The following SHISA9 variants were observed in gnomAD, a reference collection of about 807,000 sequenced individuals.
The protein encoded by SHISA9 is protein shisa-9.
A neutral mutation model predicts 38.0 loss-of-function variants in SHISA9; 13 were observed. That is an observed-to-expected ratio of 0.34 (90% CI 0.22 to 0.54). The LOEUF (loss-of-function observed/expected upper bound fraction) is 0.54, where lower values mean the gene tolerates loss of function less well. Among genes scored for constraint, SHISA9 ranks in the 20% least tolerant of loss-of-function variants. SHISA9 has a pLI of 0.91. For missense variants in SHISA9, 538 were observed against 575.8 expected (o/e 0.93, Z 0.67); for synonymous variants, 275 against 242.0 (o/e 1.14, Z -1.27).
chr16:13,383,944 C>T, the SHISA9 span, among the ~76,000 whole-genome samples: 60,523 of 152,004 alleles, frequency 0.4, 13,389 homozygotes, highest in East Asian at 0.57. Flanking sequence ...CGTGAGCCAC[C>T]GTGCCCGGCC....
At chr16:13,157,008 T>C (rs915880243) in intron 2 of SHISA9, among the ~76,000 whole-genome samples, 3 of 152,222 alleles carry the variant, frequency 2.0e-5, no homozygotes, top group African/African-American at 7.2e-5. Context: ...GGCTGAGGGC[T>C]TTTCAAGTAT....
At chr16:13,270,791 T>C in the SHISA9 span, among the ~76,000 whole-genome samples, 5 of 152,320 alleles carry the variant, frequency 3.3e-5, no homozygotes, top group Non-Finnish European at 4.4e-5. Context: ...AATCAAGATA[T>C]ATGTACAATA....
At chr16:13,064,234 A>G (rs970502532) in intron 2 of SHISA9, among the ~76,000 whole-genome samples, 2 of 152,190 alleles carry the variant, frequency 1.3e-5, no homozygotes, top group African/African-American at 4.8e-5. Flanking sequence ...GGCCACAGTC[A>G]TTCATTTATT....
intron 2 of SHISA9, among the ~76,000 whole-genome samples, chr16:12,954,289 A>C (rs2071799751): frequency 6.6e-6 from 1 of 152,216 alleles, no homozygotes; most frequent in Non-Finnish European, 1.5e-5. Flanking sequence ...TGGGCAAATA[A>C]CAACTTATGA....
At chr16:13,252,727 C>G in the SHISA9 span, among the ~76,000 whole-genome samples, 1 of 152,180 alleles carries the variant, frequency 6.6e-6, no homozygotes, top group Non-Finnish European at 1.5e-5. Context: ...TATTGTCTGT[C>G]TCTTCTCACT....
Position 13,061,937 on chromosome 16 carries a change from T to C in SHISA9, c.692-141457T>C, listed in dbSNP as rs184518312. On this transcript the variant is annotated intron_variant, in intron 2 of 4. Transcript: ENST00000558583. ...GAAGAGCCTGCACAAGTTCCTTAAG[T>C]TGGACGGAGCTCAATGCGCCAGAGG... 3.1e-4 allele frequency among the ~76,000 whole-genome samples: 47 copies of C among 152,150 alleles called. No individual in the cohort carries two copies. In the East Asian group the frequency reaches 8.5e-3, roughly 28 times the overall value.
chr16:13,458,174 T>TC, the SHISA9 span, among the ~76,000 whole-genome samples: 5 of 152,158 alleles, frequency 3.3e-5, no homozygotes, highest in Admixed American at 6.5e-5. Flanking sequence ...GATGTACCAG[T>TC]CAACCTATCA....
At chr16:13,112,525 G>A (rs1347388811) in intron 2 of SHISA9, among the ~76,000 whole-genome samples, 2 of 152,162 alleles carry the variant, frequency 1.3e-5, no homozygotes, top group African/African-American at 2.4e-5. Context: ...GGGACCCCAC[G>A]CCACAGCTAC....
the SHISA9 span, among the ~76,000 whole-genome samples, chr16:13,397,641 G>A: frequency 6.6e-6 from 1 of 152,048 alleles, no homozygotes; most frequent in Non-Finnish European, 1.5e-5. Flanking sequence ...TCACCATGTT[G>A]GCCAGGATGG....
the SHISA9 span, among the ~76,000 whole-genome samples, chr16:13,338,520 G>A: frequency 6.6e-6 from 1 of 152,156 alleles, no homozygotes; most frequent in Non-Finnish European, 1.5e-5. Context: ...AGCCTAGGGT[G>A]CTTTCCTTAG....
the SHISA9 span, among the ~76,000 whole-genome samples, chr16:13,337,722 A>G: frequency 6.6e-6 from 1 of 152,042 alleles, no homozygotes; most frequent in African/African-American, 2.4e-5. Context: ...GTGTTGGAGG[A>G]GGGGCCTGGT....
intron 1 of SHISA9, among the ~76,000 whole-genome samples, chr16:12,907,322 T>TC (rs1426669980): frequency 1.4e-5 from 2 of 146,144 alleles, no homozygotes. Context: ...CCTTCCCTTT[T>TC]CTCCCTTCTC....
intron 2 of SHISA9, among the ~76,000 whole-genome samples, chr16:12,961,718 C>T (rs2071914526): frequency 6.6e-6 from 1 of 152,154 alleles, no homozygotes; most frequent in Non-Finnish European, 1.5e-5. Flanking sequence ...AAAAGCAACC[C>T]ATAAATCAGC....
the SHISA9 span, among the ~76,000 whole-genome samples, chr16:13,381,873 A>G: frequency 6.6e-6 from 1 of 152,182 alleles, no homozygotes; most frequent in African/African-American, 2.4e-5. Context: ...AGAACTAATT[A>G]TGTGTATTAT....
chr16:13,285,176 C>T, the SHISA9 span, among the ~76,000 whole-genome samples: 647 of 152,148 alleles, frequency 4.3e-3, 1 homozygote, highest in Non-Finnish European at 7.0e-3. Context: ...TTTTCATTTC[C>T]TTAGCAGCCT....
At chr16:13,434,419 G>GTTTTTGTTTTTTTTT in the SHISA9 span, among the ~76,000 whole-genome samples, 1 of 64,566 alleles carries the variant, frequency 1.5e-5, no homozygotes, top group Non-Finnish European at 3.2e-5. Context: ...GACAAGCTAT[G>GTTTTTGTTTTTTTTT]TTTTTTTTTT....
rs138503401 is a variant in SHISA9, at chr16:13,224,559, G to A, written c.896-10471G>A. Among the ~76,000 whole-genome samples, 1,178 of 152,262 alleles carry A rather than the reference G, an allele frequency of 7.7e-3. 3 individuals carry two copies. Among genetic ancestry groups the A allele is most frequent in the Non-Finnish European group, 0.011 (759 of 68,028 alleles). On this transcript the variant is annotated intron_variant, in intron 4 of 4. Transcript: ENST00000558583. ...TTTCATCACGTGCATATTATTGCACGCCTGCTGTATACCAGGCACTGGGCT... is the reference window on the plus strand; with the variant it reads ...TTTCATCACGTGCATATTATTGCACACCTGCTGTATACCAGGCACTGGGCT...
chr16:12,930,644 A>G (rs149954644), intron 2 of SHISA9, among the ~76,000 whole-genome samples: 125 of 152,308 alleles, frequency 8.2e-4, no homozygotes, highest in African/African-American at 2.9e-3. Flanking sequence ...TGACATGACT[A>G]TGTCGTGTTG....
the SHISA9 span, among the ~76,000 whole-genome samples, chr16:13,483,755 G>A: frequency 2.6e-5 from 4 of 152,038 alleles, no homozygotes; most frequent in African/African-American, 9.7e-5. Context: ...AAGAGAACTG[G>A]GTCCAGAGAT....
Sources: allele counts gnomAD v4.1 joint callset (sites outside exome capture counted in the v4.1 genomes callset), GRCh38; gene constraint gnomAD v4.1.1; transcripts MANE v1.5; gene names NCBI Gene and HGNC (gene_info 2026-07-23, HGNC 2026-07-21).